BTAF1: variants seen among roughly 807,000 people sequenced by gnomAD.
BTAF1 encodes the protein TATA-binding protein-associated factor 172.
Under a neutral mutation model 227.1 loss-of-function variants are expected in BTAF1, and 38 were observed. That is an observed-to-expected ratio of 0.17 (90% CI 0.13 to 0.22). The LOEUF (loss-of-function observed/expected upper bound fraction) is 0.22. Among genes scored for constraint, BTAF1 ranks in the 10% least tolerant of loss-of-function variants. BTAF1 has a pLI of 1.00. For missense variants in BTAF1, 1,598 were observed against 2,204.0 expected (o/e 0.73, Z 5.51); for synonymous variants, 742 against 751.9 (o/e 0.99, Z 0.21).
intron 25 of BTAF1, among the ~76,000 whole-genome samples, chr10:91,998,564 C>G (rs900627511): frequency 6.6e-6 from 1 of 152,002 alleles, no homozygotes; most frequent in Non-Finnish European, 1.5e-5. Flanking sequence ...ATGCAGGAAA[C>G]TGAAGTGGCT....
chr10:92,026,361 A>G (rs540273074), intron 35 of BTAF1, among the ~76,000 whole-genome samples: 40 of 152,200 alleles, frequency 2.6e-4, no homozygotes, highest in Non-Finnish European at 4.7e-4. Context: ...ACTAAATTCA[A>G]TGCAGTTTGC....
chr10:91,950,346 C>CT (rs11423162), intron 4 of BTAF1, among the ~76,000 whole-genome samples: 46,192 of 141,796 alleles, frequency 0.33, 8,197 homozygotes, highest in South Asian at 0.52. Flanking sequence ...AAGTAAATGC[C>CT]TTTTTTTTTT....
chr10:91,973,903 CAAAAAAA>C (rs566022941), intron 14 of BTAF1, among the ~76,000 whole-genome samples: 1 of 93,918 alleles, frequency 1.1e-5, no homozygotes, highest in Admixed American at 1.2e-4. Flanking sequence ...GACTCCGTCT[CAAAAAAA>C]AAAAAAAAAA....
At chr10:91,969,493 A>G (rs1030131010) in intron 14 of BTAF1, among the ~76,000 whole-genome samples, 4 of 152,266 alleles carry the variant, frequency 2.6e-5, no homozygotes, top group East Asian at 1.9e-4. Flanking sequence ...TACTGTGGGA[A>G]TATTGAGATA....
At position 91,964,173 on chromosome 10, in the gene BTAF1, T is replaced by C; in HGVS notation, c.1501T>C (p.Leu501=). Residue 501 remains leucine (L), a synonymous_variant, in exon 13 of 38, where the codon TTA becomes CTA. Coordinates refer to ENST00000265990, the MANE Select transcript of BTAF1 (RefSeq NM_003972.3). The part of the protein sequence containing the change: ...NSIMTLLSSL[L]TYPQVQQCSI... ...TATTATGACTCTCCTTTCATCCTTG[T>C]TAACTTACCCTCAGGTCCAACAATG... 1 of 1,613,292 alleles carries C rather than the reference T, an allele frequency of 6.2e-7. No individual in the cohort carries two copies. The highest frequency in any genetic ancestry group is 8.5e-7 in the Non-Finnish European group (1 of 1,179,694).
intron 23 of BTAF1, among the ~76,000 whole-genome samples, chr10:91,995,042 C>G (rs1849038887): frequency 6.6e-6 from 1 of 152,072 alleles, no homozygotes; most frequent in East Asian, 1.9e-4. Context: ...GAGTCACCTG[C>G]CTAAGGTGAA....
At chr10:92,017,686 ATTT>A (rs1200180052) in intron 33 of BTAF1, among the ~76,000 whole-genome samples, 2 of 151,702 alleles carry the variant, frequency 1.3e-5, no homozygotes, top group African/African-American at 4.8e-5. Context: ...ATTTTTAAAA[ATTT>A]TTTTAGTGAT....
intron 4 of BTAF1, among the ~76,000 whole-genome samples, 167 bp from the exon 5 acceptor site, chr10:91,951,236 A>G (rs963510470): frequency 1.3e-5 from 2 of 152,202 alleles, no homozygotes; most frequent in Non-Finnish European, 2.9e-5. Flanking sequence ...GTATTTTCCA[A>G]TGTGATTAGG....
intron 28 of BTAF1, among the ~76,000 whole-genome samples, chr10:92,010,661 T>C (rs1269915550): frequency 6.6e-6 from 1 of 152,200 alleles, no homozygotes; most frequent in East Asian, 1.9e-4. Flanking sequence ...GTTTGGGTCA[T>C]GCTCCCAAAA....
chr10:91,984,525 C>A, intron 19 of BTAF1, 121 bp downstream of exon 19: 1 of 753,762 alleles, frequency 1.3e-6, no homozygotes, highest in East Asian at 2.8e-5. Context: ...GGCTTGGTAG[C>A]CTGTCATCTC....
chr10:91,998,686 T>C (rs1849301083), intron 25 of BTAF1, among the ~76,000 whole-genome samples: 1 of 152,220 alleles, frequency 6.6e-6, no homozygotes. Flanking sequence ...TATTCCATTG[T>C]ATGGACATAC....
chr10:91,964,013 T>C, intron 12 of BTAF1, 64 bp from the exon 13 acceptor site: 1 of 1,578,148 alleles, frequency 6.3e-7, no homozygotes, highest in Non-Finnish European at 8.7e-7. Context: ...TGGGATACCA[T>C]TTGGCAGGGT....
chr10:91,923,952 A>G lies in BTAF1; in HGVS notation c.-125A>G. On this transcript the variant is annotated 5_prime_UTR_variant, in exon 1 of 38. Coordinates refer to ENST00000265990, the MANE Select transcript of BTAF1 (RefSeq NM_003972.3). ...CCGAGGGCCTGCGCTGGAACGCCCC[A>G]CGCCGCACCGGCCGCTCCCCTGTGC... The G allele has an allele frequency of 7.9e-7, 1 of 1,273,294 alleles. No homozygotes were observed. Among genetic ancestry groups the G allele is most frequent in the Non-Finnish European group, 1.0e-6 (1 of 968,232 alleles). 78.9% of individuals were successfully genotyped at this position (1,273,294 alleles called of 1,614,324 possible). A position where few individuals can be genotyped will look rare whatever the true frequency, so the allele number is the denominator to read the frequency against.
intron 5 of BTAF1, among the ~76,000 whole-genome samples, chr10:91,953,438 C>G (rs949614026): frequency 6.6e-6 from 1 of 151,808 alleles, no homozygotes; most frequent in African/African-American, 2.4e-5. Context: ...ATTTTGAAGT[C>G]TTACCTCTTC....
chr10:91,979,583 AG>A (rs1348660604), intron 14 of BTAF1, among the ~76,000 whole-genome samples: 1 of 152,164 alleles, frequency 6.6e-6, no homozygotes, highest in Non-Finnish European at 1.5e-5. Context: ...CACTGTATTT[AG>A]TGCTTAAAAA....
chr10:91,996,255 A>AT (rs2134048356), intron 23 of BTAF1, 114 bp from the exon 24 acceptor site: 1 of 803,462 alleles, frequency 1.2e-6, no homozygotes, highest in East Asian at 2.7e-5. Flanking sequence ...GTATTTGGAG[A>AT]TATTTTTAGA....
chr10:91,944,152 C>T (rs1845204209), intron 4 of BTAF1, among the ~76,000 whole-genome samples: 1 of 32,672 alleles, frequency 3.1e-5, no homozygotes, highest in Non-Finnish European at 8.1e-5. Flanking sequence ...AACTCTGTCT[C>T]CAAATAAAAA....
intron 15 of BTAF1, 88 bp downstream of exon 15, chr10:91,980,646 C>A: frequency 1.0e-6 from 1 of 988,586 alleles, no homozygotes; most frequent in Non-Finnish European, 1.6e-6. Flanking sequence ...GTTGGTCATT[C>A]ATATCTCATG....
At chr10:91,949,285 C>A (rs539215915) in intron 4 of BTAF1, among the ~76,000 whole-genome samples, 1 of 152,112 alleles carries the variant, frequency 6.6e-6, no homozygotes, top group South Asian at 2.1e-4. Context: ...TGCAGTCCAG[C>A]GTGAGTAGCA....
Sources: gnomAD v4.1 joint callset for allele counts (sites outside exome capture counted in the v4.1 genomes callset) on GRCh38, gnomAD v4.1.1 for gene constraint, MANE v1.5 for transcripts, NCBI Gene and HGNC (gene_info 2026-07-23, HGNC 2026-07-21) for gene names.